COL28A1: variants seen among roughly 807,000 people sequenced by gnomAD.
COL28A1 encodes the protein collagen type XXVIII alpha 1 chain.
In COL28A1, 161 loss-of-function variants were observed where a neutral mutation model predicts 150.2. That is an observed-to-expected ratio of 1.07 (90% CI 0.94 to 1.22). The LOEUF is 1.22. Among genes scored for constraint, COL28A1 ranks in the 50% most tolerant of loss-of-function variants. COL28A1 has a pLI of 0.00. For missense variants in COL28A1, 1,617 were observed against 1,388.3 expected (o/e 1.16, Z -2.62); for synonymous variants, 552 against 469.7 (o/e 1.18, Z -2.26).
Position 7,386,696 on chromosome 7 carries a change from G to A in COL28A1, c.2137-5084C>T, listed in dbSNP as rs113431277. Among the ~76,000 whole-genome samples, 483 of 152,282 alleles carry A rather than the reference G, an allele frequency of 3.2e-3. 6 individuals carry two copies. Among genetic ancestry groups the A allele is most frequent in the African/African-American group, 0.011 (462 of 41,550 alleles). On this transcript the variant is annotated intron_variant, in intron 27 of 34. Transcript: ENST00000399429. ...ACAGCTACTCACAGACTCTTCTCAG[G>A]GACTTTGCTGGTGCTCAAGAGAAAG...
chr7:7,417,507 G>GAGGGGGAC (rs1441422333), intron 27 of COL28A1: 2 of 203,866 alleles, frequency 9.8e-6, no homozygotes, highest in African/African-American at 9.4e-5. Flanking sequence ...GAGGGAGGGG[G>GAGGGGGAC]AGGGAAGGAG....
At chr7:7,471,247 A>T (rs1202085283) in intron 15 of COL28A1, among the ~76,000 whole-genome samples, 2 of 152,124 alleles carry the variant, frequency 1.3e-5, no homozygotes, top group East Asian at 3.9e-4. Context: ...AATTACCAAC[A>T]AAAAATGTCC....
At chr7:7,415,161 GAGTAC>G (rs1783998435) in intron 27 of COL28A1, among the ~76,000 whole-genome samples, 1 of 152,192 alleles carries the variant, frequency 6.6e-6, no homozygotes, top group South Asian at 2.1e-4. Flanking sequence ...TAGAGAGACA[GAGTAC>G]AGTTCAGGCT....
intron 27 of COL28A1, among the ~76,000 whole-genome samples, chr7:7,389,834 CA>C (rs1365516267): frequency 1.3e-5 from 2 of 152,260 alleles, no homozygotes; most frequent in East Asian, 3.9e-4. Flanking sequence ...GTGATTTTTG[CA>C]CATTGATTTC....
At chr7:7,449,535 T>TAAA (rs139023216) in intron 18 of COL28A1, among the ~76,000 whole-genome samples, 4 of 147,686 alleles carry the variant, frequency 2.7e-5, no homozygotes, top group African/African-American at 9.9e-5. Context: ...TACAAAATGA[T>TAAA]AAAAAAAAAA....
chr7:7,444,389 C>T (rs1196969443), intron 19 of COL28A1, 29 bp downstream of exon 19: 1 of 1,613,446 alleles, frequency 6.2e-7, no homozygotes, highest in Non-Finnish European at 8.5e-7. Flanking sequence ...ACAGTTCCTA[C>T]TCCAGTAATA....
At chr7:7,442,742 A>C (rs569703566) in intron 20 of COL28A1, among the ~76,000 whole-genome samples, 1 of 152,322 alleles carries the variant, frequency 6.6e-6, no homozygotes, top group East Asian at 1.9e-4. Context: ...ACTACACATA[A>C]AAATAGAAAG....
chr7:7,530,745 AAC>A (rs1782302909), intron 3 of COL28A1, among the ~76,000 whole-genome samples: 1 of 152,180 alleles, frequency 6.6e-6, no homozygotes, highest in African/African-American at 2.4e-5. Flanking sequence ...TGATGGGAGA[AAC>A]TGTTGCTTGA....
chr7:7,355,182 G>C (rs1354802637), downstream of COL28A1, among the ~76,000 whole-genome samples: 1 of 152,012 alleles, frequency 6.6e-6, no homozygotes. Flanking sequence ...CAGATACATA[G>C]GAATTCCAAG....
At chr7:7,501,225 T>C (rs1389929182) in intron 11 of COL28A1, among the ~76,000 whole-genome samples, 1 of 152,210 alleles carries the variant, frequency 6.6e-6, no homozygotes, top group Non-Finnish European at 1.5e-5. Context: ...ATGAACGTCC[T>C]AGAGTAGAAC....
At chr7:7,463,775 T>C (rs6975571) in intron 15 of COL28A1, among the ~76,000 whole-genome samples, 14,937 of 152,024 alleles carry the variant, frequency 0.098, 892 homozygotes, top group Middle Eastern at 0.21. Flanking sequence ...AAAAGGTATA[T>C]AGGCAAAAAA....
chr7:7,529,905 G>A (rs2115249361), intron 3 of COL28A1, among the ~76,000 whole-genome samples: 1 of 152,236 alleles, frequency 6.6e-6, no homozygotes. Flanking sequence ...ATGCAAAAGA[G>A]CTGCTCAGAA....
intron 25 of COL28A1, among the ~76,000 whole-genome samples, chr7:7,423,089 A>G (rs1784465072): frequency 6.6e-6 from 1 of 152,230 alleles, no homozygotes; most frequent in Non-Finnish European, 1.5e-5. Flanking sequence ...GGAATTGTTC[A>G]TTTGTTTTAG....
At chr7:7,447,150 C>T (rs947073142) in intron 18 of COL28A1, among the ~76,000 whole-genome samples, 2 of 152,098 alleles carry the variant, frequency 1.3e-5, no homozygotes, top group Non-Finnish European at 2.9e-5. Context: ...TGTAGTCTTA[C>T]CTAATAAAAC....
chr7:7,380,552 G>A (rs1781815025), intron 30 of COL28A1, 108 bp downstream of exon 30: 1 of 924,848 alleles, frequency 1.1e-6, no homozygotes, highest in Non-Finnish European at 1.7e-6. Context: ...CATTTAAATA[G>A]AAACTGGGAT....
intron 27 of COL28A1, among the ~76,000 whole-genome samples, chr7:7,397,455 G>T (rs2128297070): frequency 6.6e-6 from 1 of 152,260 alleles, no homozygotes; most frequent in South Asian, 2.1e-4. Context: ...GGACGTCTTT[G>T]AGAACCATTA....
At chr7:7,480,357 C>T (rs776742056) in intron 13 of COL28A1, among the ~76,000 whole-genome samples, 1 of 152,048 alleles carries the variant, frequency 6.6e-6, no homozygotes, top group Non-Finnish European at 1.5e-5. Context: ...TAACAGAAAC[C>T]TAGCTTTTAA....
intron 34 of COL28A1, among the ~76,000 whole-genome samples, chr7:7,359,463 A>C (rs1239035641): frequency 1.3e-5 from 2 of 152,158 alleles, no homozygotes; most frequent in African/African-American, 4.8e-5. Flanking sequence ...ATAAAGCCAC[A>C]TTGTCCTAAT....
At chr7:7,383,404 G>A (rs970539254) in intron 27 of COL28A1, among the ~76,000 whole-genome samples, 2 of 151,354 alleles carry the variant, frequency 1.3e-5, no homozygotes, top group Non-Finnish European at 2.9e-5. Flanking sequence ...TCAGCCTCCT[G>A]AGTAGCTGGG....
Sources: gnomAD v4.1 joint callset for allele counts (sites outside exome capture counted in the v4.1 genomes callset) on GRCh38, gnomAD v4.1.1 for gene constraint, MANE v1.5 for transcripts, NCBI Gene and HGNC (gene_info 2026-07-23, HGNC 2026-07-21) for gene names.